Variants in ZNF846 observed in about 807,000 individuals in gnomAD.
The protein encoded by ZNF846 is zinc finger protein 846, also known as zinc finger protein 420 pseudogene.
In ZNF846, 15 loss-of-function variants were observed where a neutral mutation model predicts 16.0. That is an observed-to-expected ratio of 0.94 (90% CI 0.63 to 1.45). ZNF846 has a LOEUF of 1.45. Ranked by LOEUF, ZNF846 falls within the 40% of genes most tolerant of loss-of-function variation. The pLI, the probability that ZNF846 is intolerant of heterozygous loss-of-function variation, is 0.00. For synonymous variants in ZNF846, 229 were observed against 212.0 expected (o/e 1.08, Z -0.70); for missense variants, 714 against 622.3 (o/e 1.15, Z -1.57).
chr19:9,760,369 C>T (rs1418274802), intron 4 of ZNF846, among the ~76,000 whole-genome samples: 2 of 151,056 alleles, frequency 1.3e-5, no homozygotes, highest in African/African-American at 4.9e-5. Flanking sequence ...CTCTTTCCTA[C>T]CACAATATGA....
intron 2 of ZNF846, 144 bp downstream of exon 2, chr19:9,764,792 G>T: frequency 1.0e-6 from 1 of 967,496 alleles, no homozygotes; most frequent in Non-Finnish European, 1.6e-6. Flanking sequence ...AGATGGCTTG[G>T]TTCCTAGAGA....
chr19:9,774,920 G>C, intron 1 of ZNF846: 1 of 1,609,630 alleles, frequency 6.2e-7, no homozygotes, highest in South Asian at 1.1e-5. Context: ...GAATGCTGAA[G>C]AGTTTACAAA....
downstream of ZNF846, among the ~76,000 whole-genome samples, chr19:9,754,970 ATCC>A (rs2045119743): frequency 6.6e-6 from 1 of 151,098 alleles, no homozygotes. Context: ...GGTTCAAGCA[ATCC>A]TCCTGCCTCA....
chr19:9,755,492 G>A (rs1408816022), downstream of ZNF846: 1 of 151,260 alleles, frequency 6.6e-6, no homozygotes, highest in Admixed American at 6.6e-5. Context: ...GGCACTTAAG[G>A]AATATGTACT....
rs557647147 is a variant in ZNF846 at position 9,760,473 on chromosome 19, G to T, written c.230-531C>A. On this transcript the variant is annotated intron_variant, in intron 4 of 5. Coordinates refer to ENST00000397902, the Ensembl canonical transcript of ZNF846. ...CCCAGCACTTTGGGAGGTCAAGGTA[G>T]GTGGATCACTTGAGTTCAGGAGTTC... is the stretch of plus-strand genomic sequence containing the variant. Among the ~76,000 whole-genome samples the T allele has an allele frequency of 7.9e-4, 120 of 151,364 alleles. 1 individual carries two copies. In the Middle Eastern group the frequency reaches 0.017, roughly 22 times the overall value.
At chr19:9,781,132 GTTTT>G (rs1374271891) in intron 1 of ZNF846, among the ~76,000 whole-genome samples, 1 of 152,048 alleles carries the variant, frequency 6.6e-6, no homozygotes, top group Non-Finnish European at 1.5e-5. Context: ...CCTGTTAGGT[GTTTT>G]TTTGTTTGTT....
chr19:9,774,863 GCTGACCTAGC>G (rs2045422408), intron 1 of ZNF846: 1 of 1,610,002 alleles, frequency 6.2e-7, no homozygotes. Context: ...CCCGCTTCGG[GCTGACCTAGC>G]TGAAGAATAC....
At chr19:9,764,760 A>G in intron 2 of ZNF846, 176 bp downstream of exon 2, 1 of 710,314 alleles carries the variant, frequency 1.4e-6, no homozygotes, top group Non-Finnish European at 2.4e-6. Context: ...ATACACTTCC[A>G]TTGCAATCTC....
chr19:9,770,108 T>C (rs1003223470), upstream of ZNF846, among the ~76,000 whole-genome samples: 1 of 152,218 alleles, frequency 6.6e-6, no homozygotes, highest in Admixed American at 6.6e-5. Context: ...TTAACCTGTT[T>C]AAAGTGTACA....
chr19:9,753,809 G>A (rs2045107440), downstream of ZNF846, among the ~76,000 whole-genome samples: 1 of 151,546 alleles, frequency 6.6e-6, no homozygotes, highest in South Asian at 2.1e-4. Context: ...ATTAAGATTT[G>A]TTTTGTGGCC....
intron 1 of ZNF846, among the ~76,000 whole-genome samples, chr19:9,768,019 T>C (rs7247038): frequency 0.36 from 55,415 of 152,048 alleles, 14,444 homozygotes; most frequent in African/African-American, 0.73. Context: ...CTGATACTGG[T>C]ATAATGAAGG....
chr19:9,764,114 A>G (rs1568324746), intron 2 of ZNF846, among the ~76,000 whole-genome samples: 1 of 152,184 alleles, frequency 6.6e-6, no homozygotes. Flanking sequence ...TGGGAATGGA[A>G]TGCGACCCTT....
At chr19:9,765,731 T>G (rs982836823) in intron 1 of ZNF846, among the ~76,000 whole-genome samples, 1 of 152,022 alleles carries the variant, frequency 6.6e-6, no homozygotes, top group South Asian at 2.1e-4. Context: ...GCAGACATAG[T>G]CTTTTCCATG....
At chr19:9,766,898 C>CA (rs939656218) in intron 1 of ZNF846, among the ~76,000 whole-genome samples, 32,407 of 92,464 alleles carry the variant, frequency 0.35, 4,644 homozygotes, top group African/African-American at 0.44. Flanking sequence ...GACTCTGTCT[C>CA]AAAAAAAAAA....
At chr19:9,758,136 T>A in exon 6 of ZNF846, 2 of 1,613,610 alleles carry the variant, frequency 1.2e-6, no homozygotes, top group African/African-American at 1.3e-5. Context: ...TTTTCCACAT[T>A]CCATACATAC....
At chr19:9,769,357 C>T (rs2045368856), upstream of ZNF846, among the ~76,000 whole-genome samples, 1 of 152,120 alleles carries the variant, frequency 6.6e-6, no homozygotes, top group Non-Finnish European at 1.5e-5. Flanking sequence ...GCTTGGACCA[C>T]AGGTGTGTGC....
chr19:9,760,370 C>T (rs538118054), intron 4 of ZNF846, among the ~76,000 whole-genome samples: 11 of 151,132 alleles, frequency 7.3e-5, no homozygotes, highest in Non-Finnish European at 1.5e-4. Flanking sequence ...TCTTTCCTAC[C>T]ACAATATGAC....
upstream of ZNF846, among the ~76,000 whole-genome samples, chr19:9,769,934 C>G (rs1051328990): frequency 3.4e-5 from 5 of 148,166 alleles, no homozygotes; most frequent in African/African-American, 5.0e-5. Context: ...TGAGCTGATA[C>G]GATGCCACAG....
upstream of ZNF846, among the ~76,000 whole-genome samples, chr19:9,773,603 G>A (rs188289394): frequency 1.3e-5 from 2 of 152,262 alleles, no homozygotes; most frequent in Admixed American, 6.5e-5. Context: ...CCAACATGGT[G>A]AAATCCCGTC....
Sources: gnomAD v4.1 joint callset for allele counts (sites outside exome capture counted in the v4.1 genomes callset) on GRCh38, gnomAD v4.1.1 for gene constraint, MANE v1.5 for transcripts, NCBI Gene and HGNC (gene_info 2026-07-23, HGNC 2026-07-21) for gene names.